The following OXR1 variants were observed in gnomAD, a reference collection of about 807,000 sequenced individuals.
OXR1 encodes the protein oxidation resistance 1, also known as oxidation resistance protein 1.
A neutral mutation model predicts 104.6 loss-of-function variants in OXR1; 41 were observed. The observed-to-expected ratio is 0.39, with a 90% CI of 0.31 to 0.51. The LOEUF is 0.51. OXR1 is among the 20% of genes least tolerant of loss of function. The probability of loss-of-function intolerance (pLI) is 0.77; values close to 1 mark genes in which losing one functional copy is unlikely to be tolerated. For missense variants in OXR1, 955 were observed against 1,031.9 expected (o/e 0.93, Z 1.02); for synonymous variants, 348 against 348.4 (o/e 1.00, Z 0.01).
chr8:106,406,198 T>G (rs1233628542), intron 2 of OXR1, among the ~76,000 whole-genome samples: 1 of 152,180 alleles, frequency 6.6e-6, no homozygotes, highest in Non-Finnish European at 1.5e-5. Flanking sequence ...CAGTCTGTAC[T>G]CATTGATCCC....
chr8:106,710,854 G>A, intron 10 of OXR1, 64 bp downstream of exon 10: 2 of 986,398 alleles, frequency 2.0e-6, no homozygotes, highest in South Asian at 2.9e-5. Flanking sequence ...ATTATTTTGT[G>A]TGTCAAAATA....
At chr8:106,746,073 A>T (rs180982479) in intron 16 of OXR1, among the ~76,000 whole-genome samples, 1 of 152,272 alleles carries the variant, frequency 6.6e-6, no homozygotes, top group Admixed American at 6.5e-5. Flanking sequence ...ATTTTAAAAT[A>T]CTGTTCAGTT....
chr8:106,737,539 A>G lies in OXR1; in HGVS notation c.1976A>G (p.Tyr659Cys), dbSNP rs1282737421. The G allele has an allele frequency of 4.5e-5, 61 of 1,352,534 alleles. No homozygotes were observed. The highest frequency in any genetic ancestry group is 5.8e-5 in the Non-Finnish European group (61 of 1,043,202). 83.8% of individuals were successfully genotyped at this position (1,352,534 alleles called of 1,614,324 possible). The change falls in exon 12 of 17, where the codon TAT (tyrosine) becomes TGT (cysteine). Residue 659 changes from tyrosine (Y) to cysteine (C), a missense_variant. Tyr to Cys is a radical substitution (Grantham distance 194, BLOSUM62 -2). This residue lies in a region of OXR1 where 849 missense variants were observed against 852.9 expected (regional missense o/e 1.00). Coordinates refer to ENST00000517566, the MANE Select transcript of OXR1 (RefSeq NM_001198533.2). ...REWEVVSVAEYHRRIDALNTE... is the reference protein window; with the variant it reads ...REWEVVSVAECHRRIDALNTE... ...ATTTAGGTAGTGTCAGTGGCTGAGTATCACCGCAGGATCGATGCTCTAAAT... is the reference window on the plus strand; with the variant it reads ...ATTTAGGTAGTGTCAGTGGCTGAGTGTCACCGCAGGATCGATGCTCTAAAT...
intron 3 of OXR1, among the ~76,000 whole-genome samples, chr8:106,568,220 A>T (rs1817219472): frequency 6.6e-6 from 1 of 152,178 alleles, no homozygotes; most frequent in Non-Finnish European, 1.5e-5. Flanking sequence ...GTACATGAAC[A>T]AGACACCTTT....
At chr8:106,392,603 G>A (rs1320500075) in intron 2 of OXR1, among the ~76,000 whole-genome samples, 2 of 152,162 alleles carry the variant, frequency 1.3e-5, no homozygotes, top group Admixed American at 6.6e-5. Context: ...ATGATATGCA[G>A]TGATGATATT....
intron 6 of OXR1, 119 bp from the exon 7 acceptor site, chr8:106,692,609 A>T: frequency 1.9e-6 from 1 of 528,682 alleles, no homozygotes; most frequent in South Asian, 4.4e-5. Flanking sequence ...GACTTCCAGA[A>T]TGCGGTGAAA....
At chr8:106,637,329 GTA>G (rs35149052) in intron 3 of OXR1, among the ~76,000 whole-genome samples, 3 of 151,556 alleles carry the variant, frequency 2.0e-5, no homozygotes, top group Admixed American at 2.0e-4. Flanking sequence ...ATGTGTGTGT[GTA>G]TATATATATA....
chr8:106,484,731 T>C (rs970688334), intron 2 of OXR1, among the ~76,000 whole-genome samples: 1 of 151,920 alleles, frequency 6.6e-6, no homozygotes, highest in Admixed American at 6.6e-5. Flanking sequence ...AAATGCAAAA[T>C]GGTACAGCCA....
intron 3 of OXR1, among the ~76,000 whole-genome samples, chr8:106,640,806 C>G (rs534479884): frequency 1.3e-5 from 2 of 152,094 alleles, no homozygotes; most frequent in African/African-American, 2.4e-5. Flanking sequence ...ATAATAGTTA[C>G]AACTTTGTTT....
At chr8:106,438,932 C>A (rs1029881596) in intron 2 of OXR1, among the ~76,000 whole-genome samples, 5 of 152,032 alleles carry the variant, frequency 3.3e-5, no homozygotes, top group Non-Finnish European at 7.4e-5. Context: ...GAGATGCATC[C>A]CCATTGCTGT....
chr8:106,412,865 G>A (rs971558696), intron 2 of OXR1, among the ~76,000 whole-genome samples: 3 of 151,984 alleles, frequency 2.0e-5, no homozygotes, highest in Non-Finnish European at 4.4e-5. Context: ...ACAGGGTAAT[G>A]ACGTGTACAT....
chr8:106,732,221 T>G (rs1833954770), intron 11 of OXR1, among the ~76,000 whole-genome samples: 1 of 152,162 alleles, frequency 6.6e-6, no homozygotes, highest in South Asian at 2.1e-4. Context: ...CATATTAATC[T>G]TGCACTCTGA....
chr8:106,270,970 A>G (rs1488410184), intron 1 of OXR1, among the ~76,000 whole-genome samples: 1 of 152,126 alleles, frequency 6.6e-6, no homozygotes, highest in Non-Finnish European at 1.5e-5. Context: ...TGATGGAGTC[A>G]GCCTGGAATC....
intron 3 of OXR1, among the ~76,000 whole-genome samples, chr8:106,533,097 C>T (rs1814212641): frequency 6.6e-6 from 1 of 152,152 alleles, no homozygotes; most frequent in Admixed American, 6.5e-5. Context: ...TCAGCTGTGA[C>T]AGTTTATGGT....
At chr8:106,537,201 A>G (rs531629465) in intron 3 of OXR1, among the ~76,000 whole-genome samples, 2 of 152,072 alleles carry the variant, frequency 1.3e-5, no homozygotes, top group Non-Finnish European at 2.9e-5. Context: ...ATATCATCAC[A>G]TTGGGGATTC....
intron 3 of OXR1, among the ~76,000 whole-genome samples, chr8:106,553,101 G>A (rs1815984097): frequency 6.6e-6 from 1 of 152,000 alleles, no homozygotes; most frequent in African/African-American, 2.4e-5. Context: ...AGGCATAAAT[G>A]CTAAATGATG....
intron 1 of OXR1, among the ~76,000 whole-genome samples, chr8:106,341,868 A>G (rs1006418472): frequency 7.2e-6 from 1 of 138,184 alleles, no homozygotes; most frequent in South Asian, 2.4e-4. Context: ...TATATCCCCC[A>G]CCTCTATTTT....
At chr8:106,379,085 A>G (rs948425848) in intron 2 of OXR1, among the ~76,000 whole-genome samples, 11 of 152,262 alleles carry the variant, frequency 7.2e-5, no homozygotes, top group Admixed American at 2.0e-4. Flanking sequence ...TAGCATAAGG[A>G]GCTCTTAAAA....
At chr8:106,576,297 G>C (rs192469535) in intron 3 of OXR1, among the ~76,000 whole-genome samples, 2 of 151,356 alleles carry the variant, frequency 1.3e-5, no homozygotes, top group African/African-American at 4.8e-5. Flanking sequence ...TCTGTATCTC[G>C]TAAATTTTCT....
Sources: allele counts gnomAD v4.1 joint callset (sites outside exome capture counted in the v4.1 genomes callset), GRCh38; gene constraint gnomAD v4.1.1; regional missense constraint gnomAD v4.1.1; transcripts MANE v1.5; gene names NCBI Gene and HGNC (gene_info 2026-07-23, HGNC 2026-07-21).